CNTN5: variants seen among roughly 807,000 people sequenced by gnomAD.
The protein encoded by CNTN5 is contactin 5, also known as contactin-5.
Under a neutral mutation model 129.1 loss-of-function variants are expected in CNTN5, and 77 were observed. That is an observed-to-expected ratio of 0.60 (90% CI 0.50 to 0.72). CNTN5 has a LOEUF of 0.72. Among genes scored for constraint, CNTN5 ranks in the 30% least tolerant of loss-of-function variants. The pLI, the probability that CNTN5 is intolerant of heterozygous loss-of-function variation, is 0.00. For missense variants in CNTN5, 1,478 were observed against 1,328.8 expected (o/e 1.11, Z -1.75); for synonymous variants, 509 against 465.6 (o/e 1.09, Z -1.20).
chr11:99,165,153 G>C (rs568371159), intron 1 of CNTN5, among the ~76,000 whole-genome samples: 1 of 152,134 alleles, frequency 6.6e-6, no homozygotes. Context: ...CCAATCAGTA[G>C]TTAATGAGGT....
At chr11:100,241,296 T>C (rs546746786) in intron 16 of CNTN5, among the ~76,000 whole-genome samples, 7 of 152,312 alleles carry the variant, frequency 4.6e-5, no homozygotes, top group African/African-American at 1.7e-4. Context: ...AGCATTACTT[T>C]TATAGTGGAC....
intron 6 of CNTN5, among the ~76,000 whole-genome samples, chr11:99,869,591 A>T (rs1260158936): frequency 6.6e-6 from 1 of 152,146 alleles, no homozygotes; most frequent in Non-Finnish European, 1.5e-5. Context: ...CTTCCGCTGT[A>T]TATTGTAAAT....
chr11:100,193,478 A>T lies in CNTN5; in HGVS notation c.1709-10A>T. The T allele has an allele frequency of 6.7e-7, 1 of 1,488,436 alleles. No homozygotes were observed. The highest frequency in any genetic ancestry group is 2.4e-5 in the Admixed American group (1 of 42,192). The allele number at this position is 1,488,436 out of a possible 1,614,324, so 92.2% of individuals were successfully genotyped here. A position where few individuals can be genotyped will look rare whatever the true frequency, so the allele number is the denominator to read the frequency against. On this transcript the variant is annotated splice_polypyrimidine_tract_variant and intron_variant, in intron 14 of 24. Coordinates refer to ENST00000524871, the MANE Select transcript of CNTN5 (RefSeq NM_014361.4). The stretch of plus-strand genomic sequence containing the variant: ...TGATTATCTTAATTAACGTATTTTT[A>T]TTTCTATAGAACCTACAAGGATAGA...
At chr11:100,131,652 G>A (rs973685590) in intron 13 of CNTN5, among the ~76,000 whole-genome samples, 4 of 151,904 alleles carry the variant, frequency 2.6e-5, no homozygotes, top group Non-Finnish European at 5.9e-5. Flanking sequence ...ATAAAAAAAA[G>A]GCTGACCAGA....
At chr11:99,836,844 G>A (rs1310588180) in intron 4 of CNTN5, among the ~76,000 whole-genome samples, 1 of 152,156 alleles carries the variant, frequency 6.6e-6, no homozygotes, top group African/African-American at 2.4e-5. Flanking sequence ...TCTAACTGGT[G>A]TGAGATGGTA....
intron 9 of CNTN5, among the ~76,000 whole-genome samples, chr11:100,020,848 C>A (rs1447936651): frequency 6.6e-6 from 1 of 151,532 alleles, no homozygotes; most frequent in East Asian, 1.9e-4. Flanking sequence ...AAATACTTAG[C>A]AATAAATATA....
At chr11:99,303,604 A>G (rs1423931121) in intron 1 of CNTN5, among the ~76,000 whole-genome samples, 1 of 151,536 alleles carries the variant, frequency 6.6e-6, no homozygotes, top group Non-Finnish European at 1.5e-5. Context: ...ACATGCTACT[A>G]AACACTGGCT....
intron 2 of CNTN5, among the ~76,000 whole-genome samples, chr11:99,466,497 T>C (rs1591109231): frequency 6.6e-6 from 1 of 152,328 alleles, no homozygotes; most frequent in South Asian, 2.1e-4. Context: ...GATTTTTATA[T>C]GGTTTCTTAT....
intron 3 of CNTN5, among the ~76,000 whole-genome samples, chr11:99,577,164 G>C (rs961672775): frequency 6.6e-5 from 10 of 152,166 alleles, no homozygotes; most frequent in Non-Finnish European, 1.0e-4. Flanking sequence ...TTGAAGGATT[G>C]AGGGTATTTG....
At chr11:99,762,485 G>T (rs947623787) in intron 3 of CNTN5, among the ~76,000 whole-genome samples, 5 of 151,736 alleles carry the variant, frequency 3.3e-5, no homozygotes, top group African/African-American at 1.2e-4. Context: ...TCTCCATATG[G>T]CTAGCCAATT....
rs560149483 is a variant in CNTN5 at position 99,184,982 on chromosome 11, T to G, written c.-209-140364T>G. Among the ~76,000 whole-genome samples, 25 of 151,638 alleles carry G rather than the reference T, an allele frequency of 1.6e-4. No homozygotes were observed. The South Asian group carries it at 5.2e-3, about 32-fold the overall frequency. ...AATCAATTCCAGATGATAAAGAAAC[T>G]TGAACTGAAGTTAGACATAAATTAG... On this transcript the variant is annotated intron_variant, in intron 1 of 24. Coordinates refer to ENST00000524871, the MANE Select transcript of CNTN5 (RefSeq NM_014361.4).
At chr11:100,218,079 A>C (rs1410040388) in intron 15 of CNTN5, among the ~76,000 whole-genome samples, 4 of 152,240 alleles carry the variant, frequency 2.6e-5, no homozygotes, top group African/African-American at 9.6e-5. Flanking sequence ...TAAAGTGAAC[A>C]GGTTGAATCT....
At chr11:100,052,975 T>C (rs868220291) in intron 9 of CNTN5, among the ~76,000 whole-genome samples, 5 of 151,860 alleles carry the variant, frequency 3.3e-5, no homozygotes, top group Admixed American at 1.3e-4. Flanking sequence ...TTTGAATAAG[T>C]AGTGCTGAAA....
chr11:99,612,247 A>G (rs780379906), intron 3 of CNTN5, among the ~76,000 whole-genome samples: 2 of 152,170 alleles, frequency 1.3e-5, no homozygotes, highest in Non-Finnish European at 2.9e-5. Flanking sequence ...TCTGATCTCA[A>G]GACTGATGTA....
intron 6 of CNTN5, among the ~76,000 whole-genome samples, chr11:99,875,205 C>T (rs1326069941): frequency 6.6e-6 from 1 of 152,122 alleles, no homozygotes; most frequent in Non-Finnish European, 1.5e-5. Flanking sequence ...CAGAATAGAT[C>T]TCTCCTAATT....
chr11:100,002,034 G>A lies in CNTN5; in HGVS notation c.878G>A (p.Gly293Asp), dbSNP rs762296965. The change falls in exon 9 of 25, where the codon GGT becomes GAT. Residue 293 changes from glycine to aspartate, a missense_variant and splice_region_variant. Gly to Asp is a moderately conservative substitution (Grantham distance 94, BLOSUM62 -1). Transcript: ENST00000524871. The part of the protein sequence containing the change: ...PPTPLTLRND[G>D]VMGEYEPKIE... ...TTAAAGACTATTCTTTCTTTCTAAG[G>A]TGTGATGGGAGAATATGAGCCGAAA... is the stretch of plus-strand genomic sequence containing the variant. 6 of 1,576,624 alleles carry A rather than the reference G, an allele frequency of 3.8e-6. No individual in the cohort carries two copies. The highest frequency in any genetic ancestry group is 5.2e-6 in the Non-Finnish European group (6 of 1,160,724).
chr11:99,833,146 A>G (rs1019604785), intron 4 of CNTN5, among the ~76,000 whole-genome samples: 2 of 152,182 alleles, frequency 1.3e-5, no homozygotes, highest in African/African-American at 4.8e-5. Context: ...TCTCAGATGG[A>G]TGATACTTAA....
intron 13 of CNTN5, among the ~76,000 whole-genome samples, chr11:100,132,440 A>T (rs2138213768): frequency 6.6e-6 from 1 of 152,230 alleles, no homozygotes; most frequent in East Asian, 1.9e-4. Flanking sequence ...AGGAGTAGTA[A>T]CTGTAGTAAT....
chr11:99,549,042 T>C (rs1477161920), intron 2 of CNTN5, among the ~76,000 whole-genome samples: 1 of 152,102 alleles, frequency 6.6e-6, no homozygotes, highest in African/African-American at 2.4e-5. Context: ...TCTGGGCTAC[T>C]TTTAGGTAAT....
Sources: allele counts gnomAD v4.1 joint callset (sites outside exome capture counted in the v4.1 genomes callset), GRCh38; gene constraint gnomAD v4.1.1; transcripts MANE v1.5; gene names NCBI Gene and HGNC (gene_info 2026-07-23, HGNC 2026-07-21).